Variants in PRRG1 observed in about 807,000 individuals in gnomAD.
PRRG1 encodes the protein proline rich and Gla domain 1, also known as transmembrane gamma-carboxyglutamic acid protein 1.
Under a neutral mutation model 11.8 loss-of-function variants are expected in PRRG1, and 5 were observed. The ratio of observed to expected loss-of-function variants is 0.42; its 90% CI spans 0.22 to 0.89. The LOEUF (loss-of-function observed/expected upper bound fraction) is 0.89. Among genes scored for constraint, PRRG1 ranks in the 40% least tolerant of loss-of-function variants. The pLI, the probability that PRRG1 is intolerant of heterozygous loss-of-function variation, is 0.28. For missense variants in PRRG1, 155 were observed against 166.1 expected (o/e 0.93, Z 0.37); for synonymous variants, 66 against 60.4 (o/e 1.09, Z -0.43).
intron 1 of PRRG1, among the ~76,000 whole-genome samples, chrX:37,387,548 A>G (rs1235390960): frequency 2.7e-5 from 3 of 110,191 alleles, no homozygotes; most frequent in Non-Finnish European, 5.7e-5. Flanking sequence ...GAAGAGAGAG[A>G]GGGGGGAGGT....
At chrX:37,396,788 A>C (rs1556378296) in intron 1 of PRRG1, among the ~76,000 whole-genome samples, 4 of 111,156 alleles carry the variant, frequency 3.6e-5, no homozygotes. Context: ...TTTTTCTCTA[A>C]GGCAGGGTTT....
At chrX:37,426,464 A>G (rs1932775600) in intron 3 of PRRG1, among the ~76,000 whole-genome samples, 1 of 111,892 alleles carries the variant, frequency 8.9e-6, no homozygotes, top group Non-Finnish European at 1.9e-5. Context: ...ACTACATGCT[A>G]TTCAAAGAGA....
intron 2 of PRRG1, among the ~76,000 whole-genome samples, chrX:37,424,409 A>G (rs1323131236): frequency 2.7e-5 from 3 of 111,376 alleles, no homozygotes; most frequent in African/African-American, 9.8e-5. Context: ...AGTCTGTGTG[A>G]TAATCAGTCC....
chrX:37,393,731 C>T (rs1452346509), intron 1 of PRRG1, among the ~76,000 whole-genome samples: 1 of 112,276 alleles, frequency 8.9e-6, no homozygotes, highest in Non-Finnish European at 1.9e-5. Flanking sequence ...CCCATAGACT[C>T]TAAGCTCTAT....
chrX:37,391,538 T>C (rs782505240), intron 1 of PRRG1, among the ~76,000 whole-genome samples: 22 of 111,996 alleles, frequency 2.0e-4, no homozygotes, highest in African/African-American at 7.1e-4. Context: ...GGAGAAAATA[T>C]TTGTTTTTAG....
chrX:37,423,242 CAAA>C (rs1486980937), intron 2 of PRRG1, among the ~76,000 whole-genome samples: 1 of 107,460 alleles, frequency 9.3e-6, no homozygotes, highest in Non-Finnish European at 1.9e-5. Context: ...CTTTTTTTAA[CAAA>C]AAAGTTAAAT....
Position 37,454,865 on chromosome X carries a change from G to A in PRRG1, c.*1244G>A, listed in dbSNP as rs1921292872. ...GGAGCAGAGAGAACAGGCTGTAAAT[G>A]GGTTGCCAACATAAGCTGGCTGAGA... On this transcript the variant is annotated 3_prime_UTR_variant, in exon 4 of 4. Transcript: ENST00000378628. 1 of 112,037 alleles carries A rather than the reference G, an allele frequency of 8.9e-6. No individual in the cohort carries two copies. The highest frequency in any genetic ancestry group is 3.3e-5 in the African/African-American group (1 of 30,766). 9.2% of individuals were successfully genotyped at this position (112,037 alleles called of 1,213,427 possible).
intron 3 of PRRG1, among the ~76,000 whole-genome samples, chrX:37,427,511 T>C (rs1445586088): frequency 8.9e-6 from 1 of 112,162 alleles, no homozygotes; most frequent in African/African-American, 3.2e-5. Context: ...AATTTAAGTA[T>C]ATAATATAAC....
Position 37,453,791 on chromosome X carries a change from A to T in PRRG1, c.*170A>T. On this transcript the variant is annotated 3_prime_UTR_variant, in exon 4 of 4. Transcript: ENST00000378628. ...TTTTGTTTCTTGTTATAGAATCATT[A>T]TCCATGCTCATTTTTGCTAGGGGAA... 1 of 546,787 alleles carries T rather than the reference A, an allele frequency of 1.8e-6. No homozygotes were observed. Among genetic ancestry groups the T allele is most frequent in the Non-Finnish European group, 2.7e-6 (1 of 372,485 alleles). 45.1% of individuals were successfully genotyped at this position (546,787 alleles called of 1,213,427 possible).
At chrX:37,362,358 C>T (rs1930439225) in intron 1 of PRRG1, among the ~76,000 whole-genome samples, 1 of 110,454 alleles carries the variant, frequency 9.1e-6, no homozygotes, top group Non-Finnish European at 1.9e-5. Context: ...TGCTGTTGTT[C>T]TAGCATTATT....
intron 2 of PRRG1, 96 bp from the exon 3 acceptor site, chrX:37,425,744 T>G: frequency 7.7e-6 from 6 of 778,722 alleles, no homozygotes; most frequent in Non-Finnish European, 1.1e-5. Context: ...GAAAGAGGTT[T>G]AGGATGTTGG....
chrX:37,352,227 T>G (rs1191833863), intron 1 of PRRG1, among the ~76,000 whole-genome samples: 1 of 112,894 alleles, frequency 8.9e-6, no homozygotes, highest in Non-Finnish European at 1.9e-5. Flanking sequence ...ATTGGCTACC[T>G]GCTTAGTCTA....
At chrX:37,427,436 ATTG>A (rs1273618152) in intron 3 of PRRG1, among the ~76,000 whole-genome samples, 1 of 111,765 alleles carries the variant, frequency 8.9e-6, no homozygotes, top group Non-Finnish European at 1.9e-5. Flanking sequence ...CCCCTTTATT[ATTG>A]TTGTAGTTGT....
chrX:37,429,214 C>G (rs782742355), intron 3 of PRRG1, among the ~76,000 whole-genome samples: 2 of 112,357 alleles, frequency 1.8e-5, no homozygotes, highest in South Asian at 3.7e-4. Context: ...ACATTCGGCT[C>G]CTTGTTATGC....
At chrX:37,451,223 G>T (rs1045361666) in intron 3 of PRRG1, among the ~76,000 whole-genome samples, 2 of 111,643 alleles carry the variant, frequency 1.8e-5, no homozygotes, top group African/African-American at 6.5e-5. Flanking sequence ...TCTCCATGTT[G>T]GTCAGGCCGG....
intron 1 of PRRG1, among the ~76,000 whole-genome samples, chrX:37,403,240 A>T (rs1404116347): frequency 9.1e-6 from 1 of 110,361 alleles, no homozygotes; most frequent in Admixed American, 9.7e-5. Flanking sequence ...CAAATATCCA[A>T]CAATGATAGA....
intron 1 of PRRG1, among the ~76,000 whole-genome samples, chrX:37,355,042 G>A (rs1053588328): frequency 1.8e-5 from 2 of 110,650 alleles, no homozygotes; most frequent in Non-Finnish European, 3.8e-5. Context: ...TTCCTGAGTA[G>A]CTGGGACCAC....
chrX:37,378,869 C>A (rs782271174), intron 1 of PRRG1, among the ~76,000 whole-genome samples: 4 of 109,763 alleles, frequency 3.6e-5, no homozygotes, highest in Non-Finnish European at 7.6e-5. Context: ...TTGCTTGATT[C>A]ATTAAGGTAT....
chrX:37,448,123 T>C (rs781826730), intron 3 of PRRG1, among the ~76,000 whole-genome samples: 17 of 111,998 alleles, frequency 1.5e-4, no homozygotes, highest in Non-Finnish European at 2.6e-4. Context: ...GAGCAAAGAA[T>C]TGGACAAAAC....
Sources: gnomAD v4.1 joint callset for allele counts (sites outside exome capture counted in the v4.1 genomes callset) on GRCh38, gnomAD v4.1.1 for gene constraint, MANE v1.5 for transcripts, NCBI Gene and HGNC (gene_info 2026-07-23, HGNC 2026-07-21) for gene names.